The following CSMD1 variants were observed in gnomAD, a reference collection of about 807,000 sequenced individuals.
CSMD1 encodes the protein CUB and Sushi multiple domains 1.
In CSMD1, 213 loss-of-function variants were observed where a neutral mutation model predicts 417.5. The observed-to-expected ratio is 0.51, with a 90% CI of 0.46 to 0.57. The LOEUF is 0.57. Among genes scored for constraint, CSMD1 ranks in the 20% least tolerant of loss-of-function variants. The pLI is 0.00. For synonymous variants in CSMD1, 2,862 were observed against 1,736.8 expected, an observed-to-expected ratio of 1.65 and a Z score of -16.11; for missense variants, 6,923 against 4,529.7, an observed-to-expected ratio of 1.53 and a Z score of -15.17.
intron 3 of CSMD1, among the ~76,000 whole-genome samples, chr8:4,340,108 A>C (rs1175691821): frequency 6.6e-6 from 1 of 152,044 alleles, no homozygotes; most frequent in Non-Finnish European, 1.5e-5. Context: ...TTAACCTTAG[A>C]AGTTTTGTTA....
chr8:3,142,513 A>G lies in CSMD1; in HGVS notation c.6193T>C (p.Tyr2065His). The change falls in exon 41 of 70, where the codon TAT becomes CAT. Residue 2065 changes from tyrosine (Y) to histidine (H), a missense_variant. Transcript: ENST00000635120. ...STTHETLIHF[Y>H]SDHSQNRQGF... ...TGCCGGTTTTGCGAATGGTCACTAT[A>G]AAAGTGGATGAGGGTTTCATGCGTT... is the stretch of plus-strand genomic sequence containing the variant. 3 of 1,614,008 alleles carry G rather than the reference A, an allele frequency of 1.9e-6. No individual in the cohort carries two copies. Among genetic ancestry groups the G allele is most frequent in the African/African-American group, 1.3e-5 (1 of 75,050 alleles).
chr8:3,605,877 T>C (rs1355469198), intron 8 of CSMD1, among the ~76,000 whole-genome samples: 1 of 152,222 alleles, frequency 6.6e-6, no homozygotes, highest in Non-Finnish European at 1.5e-5. Flanking sequence ...CTTAACTTAA[T>C]TGGTTTAGCA....
At chr8:4,773,860 C>T (rs996306786) in intron 1 of CSMD1, among the ~76,000 whole-genome samples, 1 of 152,126 alleles carries the variant, frequency 6.6e-6, no homozygotes, top group Non-Finnish European at 1.5e-5. Context: ...ACTTTTGAAA[C>T]TCACCAGTGC....
At chr8:3,978,658 G>A (rs1813624577) in intron 5 of CSMD1, among the ~76,000 whole-genome samples, 1 of 152,134 alleles carries the variant, frequency 6.6e-6, no homozygotes, top group East Asian at 1.9e-4. Context: ...TCCTCGTGGT[G>A]ATGATGAAAT....
intron 26 of CSMD1, among the ~76,000 whole-genome samples, chr8:3,280,517 A>G (rs549498361): frequency 3.7e-4 from 57 of 152,274 alleles, no homozygotes; most frequent in African/African-American, 8.4e-4. Flanking sequence ...CTCAGAGTCA[A>G]TGTTATATTC....
At chr8:3,095,753 G>A (rs534988371) in intron 47 of CSMD1, among the ~76,000 whole-genome samples, 2 of 152,214 alleles carry the variant, frequency 1.3e-5, no homozygotes, top group East Asian at 3.9e-4. Context: ...AATTGTAACT[G>A]GTCTAATTTT....
intron 2 of CSMD1, among the ~76,000 whole-genome samples, chr8:4,510,877 C>G (rs1431613509): frequency 1.4e-5 from 2 of 138,132 alleles, no homozygotes; most frequent in Non-Finnish European, 1.6e-5. Context: ...TTCCTTCCTT[C>G]CCTCCCTCCC....
At chr8:4,486,485 T>A (rs1469000941) in intron 2 of CSMD1, among the ~76,000 whole-genome samples, 2 of 151,816 alleles carry the variant, frequency 1.3e-5, no homozygotes, top group Admixed American at 1.3e-4. Flanking sequence ...ATATTAGTTT[T>A]AGATTTTAAA....
chr8:4,012,747 G>C (rs905195231), intron 4 of CSMD1, among the ~76,000 whole-genome samples: 1 of 152,054 alleles, frequency 6.6e-6, no homozygotes, highest in East Asian at 1.9e-4. Context: ...CCCTAAAATG[G>C]TTCTTTTGCT....
chr8:4,504,634 G>GC (rs1802427161), intron 2 of CSMD1, among the ~76,000 whole-genome samples: 1 of 151,882 alleles, frequency 6.6e-6, no homozygotes, highest in African/African-American at 2.4e-5. Context: ...CCTCCCCTTG[G>GC]CCCCCACCTC....
At chr8:3,300,400 A>T (rs919896710) in intron 25 of CSMD1, among the ~76,000 whole-genome samples, 2 of 152,076 alleles carry the variant, frequency 1.3e-5, no homozygotes, top group African/African-American at 4.8e-5. Flanking sequence ...TAAAATTAAG[A>T]AAAATAATTA....
intron 1 of CSMD1, among the ~76,000 whole-genome samples, chr8:4,640,112 G>A (rs1263050931): frequency 1.3e-5 from 2 of 152,190 alleles, no homozygotes; most frequent in East Asian, 3.8e-4. Flanking sequence ...TGAATCAGAT[G>A]AACAGATATG....
Position 2,966,725 on chromosome 8 carries a change from C to T in CSMD1, c.8945G>A (p.Gly2982Asp), listed in dbSNP as rs1171876019. Residue 2982 changes from glycine (G) to aspartate (D), a missense_variant, in exon 58 of 70, where the codon GGC becomes GAC. Gly to Asp is a moderately conservative substitution (Grantham distance 94, BLOSUM62 -1). Transcript: ENST00000635120. ...GACAATCATTCCGTTGGTGGGTGTG[C>T]CAGGGTTGCCACAGGACACGGCTGT... ...VCEAVSCGNP[G>D]TPTNGMIVSS... 1.2e-6 allele frequency: 2 copies of T among 1,613,348 alleles called. No individual in the cohort carries two copies. The highest frequency in any genetic ancestry group is 2.7e-5 in the African/African-American group (2 of 74,872).
At chr8:3,948,387 A>G (rs1291419411) in intron 5 of CSMD1, among the ~76,000 whole-genome samples, 1 of 152,204 alleles carries the variant, frequency 6.6e-6, no homozygotes, top group Non-Finnish European at 1.5e-5. Context: ...ACTGATGCAT[A>G]CAGGAGAGGG....
chr8:3,240,404 C>T (rs1799420257), intron 26 of CSMD1, among the ~76,000 whole-genome samples: 1 of 139,006 alleles, frequency 7.2e-6, no homozygotes, highest in African/African-American at 2.6e-5. Context: ...TCGAAAGTAT[C>T]CAACCATGCC....
chr8:3,956,670 G>C (rs1260591438), intron 5 of CSMD1, among the ~76,000 whole-genome samples: 1 of 152,104 alleles, frequency 6.6e-6, no homozygotes, highest in African/African-American at 2.4e-5. Flanking sequence ...TGAAAATTAT[G>C]AGTTACTACC....
chr8:4,859,632 T>G (rs896869493), intron 1 of CSMD1, among the ~76,000 whole-genome samples: 6 of 152,156 alleles, frequency 3.9e-5, no homozygotes, highest in Admixed American at 1.3e-4. Flanking sequence ...AAGAAGACGT[T>G]TATACAGCCA....
chr8:3,490,371 T>C (rs944211076), intron 11 of CSMD1, among the ~76,000 whole-genome samples: 6 of 152,200 alleles, frequency 3.9e-5, no homozygotes, highest in Non-Finnish European at 8.8e-5. Flanking sequence ...CATTAAAAAA[T>C]GAGTGTATGA....
rs532287835 is a variant in CSMD1 at position 3,997,618 on chromosome 8, C to G, written c.818+285G>C. 1.1e-3 allele frequency among the ~76,000 whole-genome samples: 175 copies of G among 152,324 alleles called. 1 individual carries two copies. Among genetic ancestry groups the G allele is most frequent in the African/African-American group, 4.0e-3 (168 of 41,572 alleles). The stretch of plus-strand genomic sequence containing the variant: ...AGCTTCAGACCAAACCCAAAACTAA[C>G]TCACCTTACTTGGTTGCTTTAAAAC... On this transcript the variant is annotated intron_variant, in intron 5 of 69. Transcript: ENST00000635120.
Sources: allele counts gnomAD v4.1 joint callset (sites outside exome capture counted in the v4.1 genomes callset), GRCh38; gene constraint gnomAD v4.1.1; transcripts MANE v1.5; gene names NCBI Gene and HGNC (gene_info 2026-07-23, HGNC 2026-07-21).